The following CISD2 variants were observed in gnomAD, a reference collection of about 807,000 sequenced individuals.
CISD2 encodes CDGSH iron sulfur domain 2.
A neutral mutation model predicts 12.9 loss-of-function variants in CISD2; 1 was observed. The ratio of observed to expected loss-of-function variants is 0.08; its 90% CI spans 0.03 to 0.37. The LOEUF is 0.37. Ranked by LOEUF, CISD2 falls within the 10% of genes least tolerant of loss-of-function variation. CISD2 has a pLI of 0.99. For missense variants in CISD2, 97 were observed against 163.1 expected, an observed-to-expected ratio of 0.59 and a Z score of 2.21; for synonymous variants, 50 against 60.6, an observed-to-expected ratio of 0.83 and a Z score of 0.81.
intron 1 of CISD2, among the ~76,000 whole-genome samples, chr4:102,880,179 A>G (rs778287793): frequency 7.2e-5 from 11 of 152,098 alleles, no homozygotes; most frequent in Non-Finnish European, 1.6e-4. Flanking sequence ...CCTGACCTCA[A>G]GTGATCTGCC....
Position 102,891,407 on chromosome 4 carries a change from G to C in CISD2, c.*3977G>C, listed in dbSNP as rs1172327902. The stretch of plus-strand genomic sequence containing the variant: ...ATTTAAGGTGAACATTAAAGGCATA[G>C]CAGCTTGAGACAATTTATAGGATTC... On this transcript the variant is annotated 3_prime_UTR_variant, in exon 3 of 3. Transcript: ENST00000273986. 6.6e-6 allele frequency: 1 copy of C among 152,226 alleles called. No individual in the cohort carries two copies. Among genetic ancestry groups the C allele is most frequent in the Non-Finnish European group, 1.5e-5 (1 of 68,042 alleles). The allele number at this position is 152,226 out of a possible 1,614,324, so 9.4% of individuals were successfully genotyped here. A position where few individuals can be genotyped will look rare whatever the true frequency, so the allele number is the denominator to read the frequency against.
rs1487018997 is a variant in CISD2, at chr4:102,889,687, C to A, written c.*2257C>A. ...AATATGCTAAGAGCTATGCCCATAT[C>A]TTTTCCCACCTGTGCACATTTTTCA... On this transcript the variant is annotated 3_prime_UTR_variant, in exon 3 of 3. Transcript: ENST00000273986. 2 of 152,192 alleles carry A rather than the reference C, an allele frequency of 1.3e-5. No individual in the cohort carries two copies. Among genetic ancestry groups the A allele is most frequent in the African/African-American group, 2.4e-5 (1 of 41,450 alleles). The allele number at this position is 152,192 out of a possible 1,614,324, so 9.4% of individuals were successfully genotyped here.
In CISD2 at chr4:102,881,840, C is replaced by T. The variant is rs181927426; in HGVS notation, c.104-3376C>T. Among the ~76,000 whole-genome samples the T allele has an allele frequency of 6.6e-5, 10 of 152,194 alleles. No individual in the cohort carries two copies. In the East Asian group the frequency reaches 1.4e-3, roughly 21 times the overall value. On this transcript the variant is annotated intron_variant, in intron 1 of 2. Coordinates refer to ENST00000273986, the MANE Select transcript of CISD2 (RefSeq NM_001008388.5). ...AGTGGATTTTAAAACAGTAGTAATA[C>T]CATTTGTTCTTGAGGTTTGTGGGTT...
Position 102,869,998 on chromosome 4 carries a change from A to G in CISD2, c.103+811A>G, listed in dbSNP as rs76372697. On this transcript the variant is annotated intron_variant, in intron 1 of 2. Transcript: ENST00000273986. ...TGGGAGATTGTGTTGAGTTATGAGC[A>G]TTTCATTGTAAGGGGGATATTTCTA... Among the ~76,000 whole-genome samples the G allele has an allele frequency of 8.8e-3, 1,339 of 152,312 alleles. 12 individuals are homozygous for G. Among genetic ancestry groups the G allele is most frequent in the African/African-American group, 0.029 (1,224 of 41,562 alleles).
intron 1 of CISD2, among the ~76,000 whole-genome samples, chr4:102,873,584 T>C (rs1357863615): frequency 6.6e-6 from 1 of 152,114 alleles, no homozygotes; most frequent in Non-Finnish European, 1.5e-5. Flanking sequence ...CTAGATTTTG[T>C]TTCTCTGATG....
intron 1 of CISD2, among the ~76,000 whole-genome samples, chr4:102,878,479 T>C (rs1225724107): frequency 6.6e-6 from 1 of 152,224 alleles, no homozygotes; most frequent in Non-Finnish European, 1.5e-5. Context: ...TCCAAACTTT[T>C]ATGCTCTGCT....
rs1734224883 is a variant in CISD2 at position 102,891,073 on chromosome 4, G to GT, written c.*3644dup. The GT allele has an allele frequency of 6.6e-6, 1 of 151,138 alleles. No homozygotes were observed. The highest frequency in any genetic ancestry group is 2.5e-5 in the African/African-American group (1 of 40,548). The allele number at this position is 151,138 out of a possible 1,614,324, so 9.4% of individuals were successfully genotyped here. ...GATAGATCCAGAACAAGGAAATGAT[G>GT]TATGTGTTTACATATTACATCTACT... On this transcript the variant is annotated 3_prime_UTR_variant, in exon 3 of 3. Coordinates refer to ENST00000273986, the MANE Select transcript of CISD2 (RefSeq NM_001008388.5).
At chr4:102,882,197 TAAATA>T (rs772599602) in intron 1 of CISD2, among the ~76,000 whole-genome samples, 3 of 151,986 alleles carry the variant, frequency 2.0e-5, no homozygotes, top group Non-Finnish European at 4.4e-5. Flanking sequence ...GTCTCAAAAA[TAAATA>T]AATAAGATTT....
chr4:102,875,306 A>G (rs1298458709), intron 1 of CISD2, among the ~76,000 whole-genome samples: 2 of 152,260 alleles, frequency 1.3e-5, no homozygotes, highest in Non-Finnish European at 2.9e-5. Flanking sequence ...AAAAGTGAAT[A>G]ACTTGTACCT....
chr4:102,879,007 G>A (rs1349506943), intron 1 of CISD2, among the ~76,000 whole-genome samples: 1 of 152,188 alleles, frequency 6.6e-6, no homozygotes, highest in East Asian at 1.9e-4. Context: ...AATTATGGTG[G>A]AAGGGGCACC....
Position 102,869,288 on chromosome 4 carries a change from G to T in CISD2, c.103+101G>T, listed in dbSNP as rs920402020. ...GCCAAGGGGCGGGACGGAGCTCGGC[G>T]CCTGGCACGTGATCCCCGCGCGCAG... is the stretch of plus-strand genomic sequence containing the variant. On this transcript the variant is annotated intron_variant, in intron 1 of 2. Transcript: ENST00000273986. 2.0e-6 allele frequency: 3 copies of T among 1,464,038 alleles called. No individual in the cohort carries two copies. In the East Asian group the frequency reaches 7.4e-5, roughly 36 times the overall value. The allele number at this position is 1,464,038 out of a possible 1,614,324, so 90.7% of individuals were successfully genotyped here.
intron 1 of CISD2, among the ~76,000 whole-genome samples, chr4:102,873,500 C>G (rs1016801370): frequency 2.6e-5 from 4 of 151,996 alleles, no homozygotes. Flanking sequence ...GTCTTGAGCT[C>G]CTGAGCTTAA....
At chr4:102,877,222 G>T (rs1399227669) in intron 1 of CISD2, among the ~76,000 whole-genome samples, 1 of 152,152 alleles carries the variant, frequency 6.6e-6, no homozygotes, top group African/African-American at 2.4e-5. Context: ...CTGAAACAAG[G>T]CAAGTCCCTT....
rs1003696537 is a variant in CISD2 at position 102,890,756 on chromosome 4, C to G, written c.*3326C>G. On this transcript the variant is annotated 3_prime_UTR_variant, in exon 3 of 3. Coordinates refer to ENST00000273986, the MANE Select transcript of CISD2 (RefSeq NM_001008388.5). ...TCGGGAGGCTGAGGCACAAGAATCTCTTGAGTTGAGGAGGCCAAGGTTGCA... is the reference window on the plus strand; with the variant it reads ...TCGGGAGGCTGAGGCACAAGAATCTGTTGAGTTGAGGAGGCCAAGGTTGCA... The G allele has an allele frequency of 1.4e-5, 2 of 145,086 alleles. No individual in the cohort carries two copies. Among genetic ancestry groups the G allele is most frequent in the African/African-American group, 5.2e-5 (2 of 38,302 alleles). 9.0% of individuals were successfully genotyped at this position (145,086 alleles called of 1,614,324 possible). A position where few individuals can be genotyped will look rare whatever the true frequency, so the allele number is the denominator to read the frequency against.
intron 1 of CISD2, among the ~76,000 whole-genome samples, chr4:102,876,870 G>A (rs769142375): frequency 5.3e-5 from 8 of 152,142 alleles, no homozygotes; most frequent in South Asian, 2.1e-4. Context: ...AGAAGGGAGC[G>A]CAGACACCTT....
chr4:102,869,925 A>T (rs1051812352), intron 1 of CISD2, among the ~76,000 whole-genome samples: 11 of 152,334 alleles, frequency 7.2e-5, no homozygotes, highest in African/African-American at 2.6e-4. Flanking sequence ...ACAACTCATG[A>T]GGATTTCACA....
At chr4:102,874,020 G>C (rs1733531558) in intron 1 of CISD2, among the ~76,000 whole-genome samples, 1 of 151,910 alleles carries the variant, frequency 6.6e-6, no homozygotes, top group African/African-American at 2.4e-5. Flanking sequence ...CAGCTACTCA[G>C]GAGGCCAAGG....
chr4:102,873,210 A>C (rs774960874), intron 1 of CISD2, among the ~76,000 whole-genome samples: 4 of 152,226 alleles, frequency 2.6e-5, no homozygotes, highest in Non-Finnish European at 4.4e-5. Context: ...CAGTGGGGAC[A>C]CAAAGCCTGA....
intron 1 of CISD2, among the ~76,000 whole-genome samples, chr4:102,873,418 C>T (rs1370587131): frequency 6.6e-6 from 1 of 152,020 alleles, no homozygotes; most frequent in Non-Finnish European, 1.5e-5. Context: ...ACTACAGGTG[C>T]ACGCTACCAC....
Sources: allele counts gnomAD v4.1 joint callset (sites outside exome capture counted in the v4.1 genomes callset), GRCh38; gene constraint gnomAD v4.1.1; transcripts MANE v1.5; gene names NCBI Gene and HGNC (gene_info 2026-07-23, HGNC 2026-07-21).